Variants in TBC1D22A observed in about 807,000 individuals in gnomAD.
TBC1D22A encodes putative GTPase activator.
Under a neutral mutation model 60.2 loss-of-function variants are expected in TBC1D22A, and 38 were observed. That is an observed-to-expected ratio of 0.63 (90% CI 0.49 to 0.83). The LOEUF (loss-of-function observed/expected upper bound fraction) is 0.83. Among genes scored for constraint, TBC1D22A ranks in the 40% least tolerant of loss-of-function variants. TBC1D22A has a pLI of 0.00. For missense variants in TBC1D22A, 628 were observed against 701.0 expected (o/e 0.90, Z 1.18); for synonymous variants, 302 against 281.7 (o/e 1.07, Z -0.72).
intron 8 of TBC1D22A, among the ~76,000 whole-genome samples, chr22:46,916,862 G>A (rs1569218631): frequency 1.3e-5 from 2 of 152,232 alleles, no homozygotes; most frequent in Non-Finnish European, 2.9e-5. Context: ...AAGTGAGAGG[G>A]TATAATGTGA....
At chr22:46,809,717 C>T (rs1015443554) in intron 4 of TBC1D22A, among the ~76,000 whole-genome samples, 2 of 152,108 alleles carry the variant, frequency 1.3e-5, no homozygotes, top group African/African-American at 4.8e-5. Context: ...GGGGTAATGT[C>T]AGAGGCCTCC....
intron 4 of TBC1D22A, among the ~76,000 whole-genome samples, chr22:46,821,722 ATCT>A (rs2085840162): frequency 6.6e-6 from 1 of 151,750 alleles, no homozygotes; most frequent in Non-Finnish European, 1.5e-5. Context: ...CTTGCGGTTG[ATCT>A]TCTTGTGGAG....
intron 10 of TBC1D22A, among the ~76,000 whole-genome samples, chr22:47,016,473 A>G (rs1360189304): frequency 6.6e-6 from 1 of 152,220 alleles, no homozygotes; most frequent in Non-Finnish European, 1.5e-5. Flanking sequence ...TCCTTGCCCC[A>G]GTCAGCTTGC....
intron 11 of TBC1D22A, among the ~76,000 whole-genome samples, chr22:47,080,145 A>G (rs2147557679): frequency 7.2e-6 from 1 of 139,050 alleles, no homozygotes; most frequent in East Asian, 2.9e-4. Context: ...GACAGACTTG[A>G]AGGGAGTAGA....
chr22:46,847,892 A>G, intron 4 of TBC1D22A, among the ~76,000 whole-genome samples: 1 of 152,008 alleles, frequency 6.6e-6, no homozygotes, highest in East Asian at 1.9e-4. Context: ...GATGGCACCT[A>G]GAGAAATAGT....
chr22:47,145,688 A>G (rs1024503362), intron 12 of TBC1D22A, among the ~76,000 whole-genome samples: 3 of 152,144 alleles, frequency 2.0e-5, no homozygotes, highest in Non-Finnish European at 4.4e-5. Context: ...TTTAAATTTC[A>G]TAGTTTGTTC....
intron 4 of TBC1D22A, among the ~76,000 whole-genome samples, chr22:46,843,531 GC>G (rs2086865469): frequency 6.6e-6 from 1 of 150,682 alleles, no homozygotes; most frequent in Admixed American, 6.6e-5. Flanking sequence ...ACAGAGTGTG[GC>G]CCCCAGTACA....
chr22:46,899,972 C>G (rs375372190), intron 7 of TBC1D22A, among the ~76,000 whole-genome samples: 8 of 152,006 alleles, frequency 5.3e-5, no homozygotes, highest in Non-Finnish European at 1.2e-4. Context: ...CTGCATCTAT[C>G]GAAACATTTG....
chr22:46,978,030 G>A (rs1364477359), intron 9 of TBC1D22A, among the ~76,000 whole-genome samples: 1 of 152,230 alleles, frequency 6.6e-6, no homozygotes, highest in Non-Finnish European at 1.5e-5. Context: ...AGCAAAGAGA[G>A]GTCCTCCAGG....
Position 47,174,662 on chromosome 22 carries a change from C to G in TBC1D22A, c.*1036C>G, listed in dbSNP as rs2068615814. ...CTCCGTGGACCGGTTCCGCCATGGA[C>G]CGGTTCCGCCATGGACCACTCCTGC... On this transcript the variant is annotated 3_prime_UTR_variant, in exon 13 of 13. Coordinates refer to ENST00000337137, the MANE Select transcript of TBC1D22A (RefSeq NM_014346.5). The G allele has an allele frequency of 6.6e-6, 1 of 151,662 alleles. No individual in the cohort carries two copies. The highest frequency in any genetic ancestry group is 2.4e-5 in the African/African-American group (1 of 41,340). 9.4% of individuals were successfully genotyped at this position (151,662 alleles called of 1,614,324 possible).
chr22:46,951,784 A>G (rs1428170951), intron 8 of TBC1D22A, among the ~76,000 whole-genome samples: 1 of 152,226 alleles, frequency 6.6e-6, no homozygotes, highest in Non-Finnish European at 1.5e-5. Flanking sequence ...GAAGGCTCAA[A>G]TGCGGAGCTT....
chr22:46,766,395 C>T (rs1028684449), intron 1 of TBC1D22A, among the ~76,000 whole-genome samples: 4 of 152,022 alleles, frequency 2.6e-5, no homozygotes, highest in African/African-American at 9.7e-5. Flanking sequence ...TCCCAAAGTT[C>T]TGGGATTACA....
At chr22:47,018,482 C>T (rs1009017794) in intron 10 of TBC1D22A, among the ~76,000 whole-genome samples, 1 of 152,154 alleles carries the variant, frequency 6.6e-6, no homozygotes, top group Non-Finnish European at 1.5e-5. Context: ...CTCTGCCTGC[C>T]GTTCGGCTCG....
intron 7 of TBC1D22A, among the ~76,000 whole-genome samples, chr22:46,897,469 A>G (rs1020779735): frequency 1.3e-5 from 2 of 152,236 alleles, no homozygotes; most frequent in South Asian, 2.1e-4. Context: ...TCCTATGCAG[A>G]TGAAGACTTG....
chr22:46,901,710 G>C (rs1181449844), intron 7 of TBC1D22A, among the ~76,000 whole-genome samples: 56 of 12,988 alleles, frequency 4.3e-3, no homozygotes, highest in Admixed American at 0.032. Context: ...AACTCACATG[G>C]GGGGGGGATG....
intron 11 of TBC1D22A, among the ~76,000 whole-genome samples, chr22:47,103,977 G>A (rs1226662893): frequency 2.0e-5 from 3 of 152,054 alleles, no homozygotes; most frequent in African/African-American, 7.3e-5. Flanking sequence ...ATTTGGAAAT[G>A]GCAAAGCTGT....
At chr22:46,894,933 T>C in intron 7 of TBC1D22A, 87 bp downstream of exon 7, 1 of 1,475,552 alleles carries the variant, frequency 6.8e-7, no homozygotes. Context: ...CAGCCGGAGG[T>C]GCTTCACCCA....
intron 11 of TBC1D22A, among the ~76,000 whole-genome samples, chr22:47,072,380 C>T (rs1603234702): frequency 1.3e-5 from 2 of 152,252 alleles, no homozygotes; most frequent in African/African-American, 4.8e-5. Flanking sequence ...TACAATGTGC[C>T]TGTCGTGCTT....
At chr22:46,805,166 C>T (rs2085073749) in intron 4 of TBC1D22A, among the ~76,000 whole-genome samples, 1 of 152,204 alleles carries the variant, frequency 6.6e-6, no homozygotes, top group South Asian at 2.1e-4. Flanking sequence ...GTCACTCATC[C>T]TCCTGTTCCA....
Sources: gnomAD v4.1 joint callset for allele counts (sites outside exome capture counted in the v4.1 genomes callset) on GRCh38, gnomAD v4.1.1 for gene constraint, MANE v1.5 for transcripts, NCBI Gene and HGNC (gene_info 2026-07-23, HGNC 2026-07-21) for gene names.